Variants in FASTKD1 observed in about 807,000 individuals in gnomAD.
FASTKD1 encodes the protein FAST kinase domains 1.
Under a neutral mutation model 90.9 loss-of-function variants are expected in FASTKD1, and 94 were observed. The ratio of observed to expected loss-of-function variants is 1.03; its 90% CI spans 0.88 to 1.23. FASTKD1 has a LOEUF of 1.23. Ranked by LOEUF, FASTKD1 falls within the 50% of genes most tolerant of loss-of-function variation. The pLI, the probability that FASTKD1 is intolerant of heterozygous loss-of-function variation, is 0.00. For missense variants in FASTKD1, 945 were observed against 993.5 expected, an observed-to-expected ratio of 0.95 and a Z score of 0.66; for synonymous variants, 319 against 345.8, an observed-to-expected ratio of 0.92 and a Z score of 0.86.
Position 169,562,073 on chromosome 2 carries a change from A to AATTATTTATTAATTTATTGTAAAT in FASTKD1, c.572+1151_572+1152insATTTACAATAAATTAATAAATAAT, listed in dbSNP as rs1559157604. Among the ~76,000 whole-genome samples the AATTATTTATTAATTTATTGTAAAT allele has an allele frequency of 1.3e-4, 4 of 30,962 alleles. 1 individual carries two copies. Among genetic ancestry groups the AATTATTTATTAATTTATTGTAAAT allele is most frequent in the African/African-American group, 5.6e-4 (4 of 7,174 alleles). 20.3% of individuals were successfully genotyped at this position (30,962 alleles called of 152,430 possible). On this transcript the variant is annotated intron_variant, in intron 4 of 14. Transcript: ENST00000453153. The stretch of plus-strand genomic sequence containing the variant: ...TAATTATTTATTAATTTATTGTAAA[A>AATTATTTATTAATTTATTGTAAAT]TAATTATTTATTAATTTATTGTAAA...
At chr2:169,562,759 G>A (rs953627512) in intron 4 of FASTKD1, among the ~76,000 whole-genome samples, 25 of 152,192 alleles carry the variant, frequency 1.6e-4, no homozygotes, top group African/African-American at 6.0e-4. Context: ...GAGTAGGCAT[G>A]CTTTATTATA....
chr2:169,568,485 TTTC>T (rs1243502237), intron 3 of FASTKD1, among the ~76,000 whole-genome samples: 1 of 151,670 alleles, frequency 6.6e-6, no homozygotes, highest in Non-Finnish European at 1.5e-5. Context: ...TATGAAATAC[TTTC>T]TTTTCTCTCT....
chr2:169,541,357 C>T (rs1684947880), intron 9 of FASTKD1, among the ~76,000 whole-genome samples: 1 of 152,168 alleles, frequency 6.6e-6, no homozygotes, highest in Non-Finnish European at 1.5e-5. Flanking sequence ...GGAAGAGATG[C>T]ACTTTCATTT....
chr2:169,558,675 T>C (rs911808040), intron 5 of FASTKD1, among the ~76,000 whole-genome samples: 9 of 152,096 alleles, frequency 5.9e-5, no homozygotes, highest in Non-Finnish European at 1.2e-4. Context: ...GGTCTCGAAC[T>C]CCTGACCTCA....
At chr2:169,555,376 C>T in intron 6 of FASTKD1, 121 bp from the exon 7 acceptor site, 1 of 783,464 alleles carries the variant, frequency 1.3e-6, no homozygotes, top group Non-Finnish European at 2.0e-6. Flanking sequence ...AGATGAGATT[C>T]TCTATTCTTG....
chr2:169,557,386 G>GT, intron 5 of FASTKD1, 89 bp from the exon 6 acceptor site: 1 of 545,772 alleles, frequency 1.8e-6, no homozygotes, highest in Non-Finnish European at 3.0e-6. Context: ...GTAACAAATA[G>GT]GAAAAAAAAT....
At position 169,571,303 on chromosome 2, in the gene FASTKD1, C is replaced by T. The variant is rs146237553; in HGVS notation, c.377+350G>A. The T allele has an allele frequency of 8.0e-3, 1,262 of 158,002 alleles. 8 individuals are homozygous for T. The highest frequency in any genetic ancestry group is 0.011 in the Non-Finnish European group (797 of 72,118). The allele number at this position is 158,002 out of a possible 1,614,324, so 9.8% of individuals were successfully genotyped here. A position where few individuals can be genotyped will look rare whatever the true frequency, so the allele number is the denominator to read the frequency against. On this transcript the variant is annotated intron_variant, in intron 2 of 14. Transcript: ENST00000453153. The stretch of plus-strand genomic sequence containing the variant: ...TTTAGACCTGGCACAGTGGCTCACG[C>T]CTGTAATCCCAGCATTTTGGGAGGC...
chr2:169,551,750 G>T (rs758402175), intron 7 of FASTKD1, among the ~76,000 whole-genome samples: 1 of 152,092 alleles, frequency 6.6e-6, no homozygotes, highest in Non-Finnish European at 1.5e-5. Context: ...CCGAGATCAC[G>T]CCACTGTACT....
At chr2:169,568,199 G>A (rs542198631) in intron 3 of FASTKD1, among the ~76,000 whole-genome samples, 2 of 152,172 alleles carry the variant, frequency 1.3e-5, no homozygotes, top group Non-Finnish European at 2.9e-5. Context: ...TAAAAATGGA[G>A]TAACAGACAA....
intron 4 of FASTKD1, among the ~76,000 whole-genome samples, chr2:169,561,923 A>G (rs914272461): frequency 1.4e-5 from 2 of 140,636 alleles, no homozygotes; most frequent in African/African-American, 5.1e-5. Flanking sequence ...ATTGTAAATC[A>G]ATTATTTGTT....
chr2:169,561,654 G>A (rs900908450), intron 4 of FASTKD1, among the ~76,000 whole-genome samples: 14 of 148,878 alleles, frequency 9.4e-5, no homozygotes, highest in Non-Finnish European at 1.9e-4. Flanking sequence ...TAAAATTTGT[G>A]AATTTGTTTA....
At chr2:169,570,444 C>T (rs925692371) in intron 2 of FASTKD1, among the ~76,000 whole-genome samples, 8 of 152,114 alleles carry the variant, frequency 5.3e-5, no homozygotes, top group African/African-American at 1.2e-4. Flanking sequence ...CCCTTCTTTA[C>T]GTAATACCTA....
Position 169,529,879 on chromosome 2 carries a change from A to G in FASTKD1, c.2490T>C (p.Ala830=). The G allele has an allele frequency of 6.2e-7, 1 of 1,613,810 alleles. No homozygotes were observed. Among genetic ancestry groups the G allele is most frequent in the Non-Finnish European group, 8.5e-7 (1 of 1,179,844 alleles). The change falls in exon 15 of 15, where the codon GCT becomes GCC. Residue 830 remains alanine, a synonymous_variant. Transcript: ENST00000453153. The part of the protein sequence containing the change: ...WNSMALSTKD[A]RMDYLRECIF... ...TACATTCTCTCAGGTAGTCCATCCG[A>G]GCATCCTTTGTTGACAGTGCCATAG...
Position 169,560,628 on chromosome 2 carries a change from G to A in FASTKD1, c.730C>T (p.Arg244Cys), listed in dbSNP as rs777321484. Residue 244 changes from arginine to cysteine, a missense_variant, in exon 5 of 15, where the codon CGT (arginine) becomes TGT (cysteine). Physicochemically the swap from Arg to Cys is radical, Grantham distance 180. Transcript: ENST00000453153. ...IAKFLRNVRYRYQPLLERCNN... is the reference protein window; with the variant it reads ...IAKFLRNVRYCYQPLLERCNN... ...CATCTTTCTAATAGTGGTTGATAAC[G>A]ATATCTAACATTTCGAAGAAACTTT... 3.7e-5 allele frequency: 60 copies of A among 1,612,430 alleles called. No individual in the cohort carries two copies. Among genetic ancestry groups the A allele is most frequent in the Non-Finnish European group, 4.8e-5 (57 of 1,179,512 alleles).
At chr2:169,560,845 T>A in intron 4 of FASTKD1, 60 bp from the exon 5 acceptor site, 1 of 1,230,376 alleles carries the variant, frequency 8.1e-7, no homozygotes, top group Non-Finnish European at 1.1e-6. Context: ...AATTCTTTTT[T>A]TTTTTTTTTT....
chr2:169,565,786 T>C (rs892242219), intron 3 of FASTKD1, among the ~76,000 whole-genome samples: 1 of 152,220 alleles, frequency 6.6e-6, no homozygotes, highest in African/African-American at 2.4e-5. Flanking sequence ...ATAGAGCTTA[T>C]ACTAATTTAC....
intron 6 of FASTKD1, 21 bp from the exon 7 acceptor site, chr2:169,555,276 A>G (rs1265150836): frequency 8.8e-6 from 14 of 1,587,310 alleles, no homozygotes; most frequent in Non-Finnish European, 1.0e-5. Flanking sequence ...TAGAGCATAT[A>G]TTATAACCAG....
intron 4 of FASTKD1, among the ~76,000 whole-genome samples, 186 bp from the exon 5 acceptor site, chr2:169,560,971 C>A (rs1448225801): frequency 1.1e-4 from 17 of 148,808 alleles, no homozygotes. Flanking sequence ...GCATGAGCCA[C>A]TGCACCCAGC....
chr2:169,559,625 C>G (rs1045156211), intron 5 of FASTKD1, among the ~76,000 whole-genome samples: 2 of 151,758 alleles, frequency 1.3e-5, no homozygotes, highest in African/African-American at 4.8e-5. Context: ...ATCATCTTGC[C>G]TAGGCTGGTC....
Sources: gnomAD v4.1 joint callset for allele counts (sites outside exome capture counted in the v4.1 genomes callset) on GRCh38, gnomAD v4.1.1 for gene constraint, MANE v1.5 for transcripts, NCBI Gene and HGNC (gene_info 2026-07-23, HGNC 2026-07-21) for gene names.